Variants in YJU2B observed in about 807,000 individuals in gnomAD.
YJU2B encodes the protein YJU2 splicing factor homolog B.
A neutral mutation model predicts 38.0 loss-of-function variants in YJU2B; 18 were observed. That is an observed-to-expected ratio of 0.47 (90% CI 0.33 to 0.70). The LOEUF is 0.70. YJU2B is among the 30% of genes least tolerant of loss of function. The pLI is 0.02. For missense variants in YJU2B, 538 were observed against 556.3 expected, an observed-to-expected ratio of 0.97 and a Z score of 0.33; for synonymous variants, 246 against 225.4, an observed-to-expected ratio of 1.09 and a Z score of -0.82.
At chr19:13,755,191 C>T (rs1220424487) in intron 3 of YJU2B, among the ~76,000 whole-genome samples, 3 of 149,792 alleles carry the variant, frequency 2.0e-5, no homozygotes, top group Non-Finnish European at 4.4e-5. Context: ...AAGCCGGCGC[C>T]ATGGCTCACG....
upstream of YJU2B, among the ~76,000 whole-genome samples, chr19:13,745,886 T>C (rs10414091): frequency 8.4e-3 from 1,275 of 151,974 alleles, 16 homozygotes; most frequent in African/African-American, 0.03. Flanking sequence ...GGACCAGACA[T>C]ATAGCAGGTG....
chr19:13,756,032 A>G (rs184265031), intron 3 of YJU2B, among the ~76,000 whole-genome samples, 165 bp from the exon 4 acceptor site: 160 of 152,362 alleles, frequency 1.1e-3, no homozygotes, highest in African/African-American at 3.5e-3. Context: ...ATGTTCCAGT[A>G]AGACCTGGAT....
intron 1 of YJU2B, among the ~76,000 whole-genome samples, chr19:13,750,988 G>A (rs1455639503): frequency 2.6e-5 from 4 of 152,156 alleles, no homozygotes; most frequent in Non-Finnish European, 5.9e-5. Flanking sequence ...GAGTGAACGA[G>A]AGATAGAGGG....
chr19:13,736,297 C>A (rs1459915557), intron 2 of YJU2B, among the ~76,000 whole-genome samples: 3 of 123,908 alleles, frequency 2.4e-5, no homozygotes, highest in East Asian at 2.4e-4. Flanking sequence ...TTGACTCTGT[C>A]GCTCAGGCTG....
chr19:13,735,229 C>A (rs542234910), intron 2 of YJU2B, among the ~76,000 whole-genome samples: 5 of 152,234 alleles, frequency 3.3e-5, no homozygotes, highest in Admixed American at 2.6e-4. Flanking sequence ...GCAGGAGAAT[C>A]GCTTGAACCT....
intron 2 of YJU2B, among the ~76,000 whole-genome samples, chr19:13,752,362 G>C (rs1178159822): frequency 6.6e-6 from 1 of 151,216 alleles, no homozygotes; most frequent in Non-Finnish European, 1.5e-5. Flanking sequence ...AATACCAGCA[G>C]TTTGGGAGGC....
intron 2 of YJU2B, among the ~76,000 whole-genome samples, chr19:13,738,192 G>A (rs1973002866): frequency 6.6e-6 from 1 of 152,184 alleles, no homozygotes; most frequent in African/African-American, 2.4e-5. Context: ...GTCTGTTCTG[G>A]GAAGTTTCCT....
At chr19:13,733,192 G>T (rs565291442) in intron 2 of YJU2B, among the ~76,000 whole-genome samples, 2 of 151,436 alleles carry the variant, frequency 1.3e-5, no homozygotes, top group South Asian at 4.3e-4. Flanking sequence ...GCCTCCCAAA[G>T]TGCTGGGATT....
At position 13,756,073 on chromosome 19, in the gene YJU2B, A is replaced by G. The variant is rs1196917683; in HGVS notation, c.58-124A>G. On this transcript the variant is annotated intron_variant, in intron 3 of 9. Transcript: ENST00000221554. ...CTATTGCTATGAACACCCGTCCTGC[A>G]GGACATAAGAATCAAGGCCTCTCCC... The G allele has an allele frequency of 4.0e-6, 3 of 745,846 alleles. No homozygotes were observed. In the African/African-American group the frequency reaches 5.1e-5, roughly 13 times the overall value. 46.2% of individuals were successfully genotyped at this position (745,846 alleles called of 1,614,324 possible). A position where few individuals can be genotyped will look rare whatever the true frequency, so the allele number is the denominator to read the frequency against.
intron 8 of YJU2B, 77 bp downstream of exon 8, chr19:13,759,349 A>G: frequency 8.1e-7 from 1 of 1,231,014 alleles, no homozygotes; most frequent in South Asian, 1.5e-5. Context: ...CCCCCACCAC[A>G]TCCTAGCTTT....
chr19:13,736,861 G>A (rs148382785), intron 2 of YJU2B, among the ~76,000 whole-genome samples: 1,783 of 151,674 alleles, frequency 0.012, 17 homozygotes, highest in Non-Finnish European at 0.019. Context: ...GCGAAATCCC[G>A]TGTCTACTAA....
chr19:13,762,480 A>C, intron 9 of YJU2B, 43 bp downstream of exon 9: 1 of 1,599,182 alleles, frequency 6.3e-7, no homozygotes, highest in Non-Finnish European at 8.5e-7. Flanking sequence ...GGAGGCTCAG[A>C]GTTGCCTGGA....
At chr19:13,760,343 G>A (rs561241739) in intron 8 of YJU2B, among the ~76,000 whole-genome samples, 2 of 152,228 alleles carry the variant, frequency 1.3e-5, no homozygotes, top group Non-Finnish European at 2.9e-5. Flanking sequence ...GCTTCTAGCT[G>A]TGTCCTCATG....
upstream of YJU2B, among the ~76,000 whole-genome samples, chr19:13,744,906 T>C (rs531500681): frequency 1.3e-5 from 2 of 150,198 alleles, no homozygotes; most frequent in South Asian, 4.2e-4. Flanking sequence ...GGCAGGAGAA[T>C]GGCGTGAACC....
rs1343401312 is a variant in YJU2B at position 13,762,382 on chromosome 19, C to T, written c.657C>T (p.Pro219=). 2 of 1,613,846 alleles carry T rather than the reference C, an allele frequency of 1.2e-6. No homozygotes were observed. The highest frequency in any genetic ancestry group is 1.7e-6 in the Non-Finnish European group (2 of 1,180,012). Residue 219 remains proline, a synonymous_variant, in exon 9 of 10, where the codon CCC becomes CCT. Coordinates refer to ENST00000221554, the MANE Select transcript of YJU2B (RefSeq NM_030818.4). ...AKASLTIPLV[P]ETEDDRKLAA... ...CGAGCCTGACCATCCCGCTGGTGCC[C>T]GAGACGGAAGATGACCGCAAGCTGG...
intron 5 of YJU2B, 118 bp from the exon 6 acceptor site, chr19:13,757,664 TCTAA>T: frequency 8.6e-7 from 1 of 1,166,148 alleles, no homozygotes; most frequent in South Asian, 1.2e-5. Context: ...CAATCCCGTC[TCTAA>T]CTCCTCCTAG....
chr19:13,757,528 C>G, intron 5 of YJU2B, 55 bp downstream of exon 5: 150 of 1,183,636 alleles, frequency 1.3e-4, no homozygotes, highest in Middle Eastern at 2.3e-4. Flanking sequence ...CCCCTAACTG[C>G]TGGATGCCGC....
intron 2 of YJU2B, among the ~76,000 whole-genome samples, chr19:13,734,100 G>C (rs1028361762): frequency 2.6e-5 from 4 of 151,760 alleles, no homozygotes; most frequent in African/African-American, 9.7e-5. Context: ...GCTAATTTTT[G>C]TATCTTTTGT....
chr19:13,756,027 C>G (rs1350585029), intron 3 of YJU2B, among the ~76,000 whole-genome samples, 170 bp from the exon 4 acceptor site: 1 of 152,216 alleles, frequency 6.6e-6, no homozygotes, highest in Admixed American at 6.5e-5. Context: ...CCTACATGTT[C>G]CAGTAAGACC....
Sources: gnomAD v4.1 joint callset for allele counts (sites outside exome capture counted in the v4.1 genomes callset) on GRCh38, gnomAD v4.1.1 for gene constraint, MANE v1.5 for transcripts, NCBI Gene and HGNC (gene_info 2026-07-23, HGNC 2026-07-21) for gene names.